Variants in MAPK8 observed in about 807,000 individuals in gnomAD.
MAPK8 encodes the protein JUN N-terminal kinase.
A neutral mutation model predicts 52.9 loss-of-function variants in MAPK8; 13 were observed. That is an observed-to-expected ratio of 0.25 (90% CI 0.16 to 0.39). The LOEUF is 0.39. Ranked by LOEUF, MAPK8 falls within the 10% of genes least tolerant of loss-of-function variation. The pLI is 1.00. For missense variants in MAPK8, 300 were observed against 519.2 expected, an observed-to-expected ratio of 0.58 and a Z score of 4.10; for synonymous variants, 191 against 169.8, an observed-to-expected ratio of 1.12 and a Z score of -0.97.
rs112052018 is a variant in MAPK8, at chr10:48,384,151, G to C, written c.-49-17461G>C. 4.1e-3 allele frequency among the ~76,000 whole-genome samples: 627 copies of C among 152,252 alleles called. 5 individuals carry two copies. Among genetic ancestry groups the C allele is most frequent in the East Asian group, 0.017 (89 of 5,178 alleles). ...CCTGTAATCCCAGCTGCGTGGGAGG[G>C]TGAGGCAGAAGAATCGCTTGAGCCG... On this transcript the variant is annotated intron_variant, in intron 1 of 11. Coordinates refer to ENST00000374189, the MANE Select transcript of MAPK8 (RefSeq NM_001323329.2).
intron 1 of MAPK8, among the ~76,000 whole-genome samples, chr10:48,380,156 C>G (rs1801911764): frequency 6.6e-6 from 1 of 151,960 alleles, no homozygotes; most frequent in Non-Finnish European, 1.5e-5. Context: ...GCAGGAGAAT[C>G]ACTTGAACCT....
intron 1 of MAPK8, among the ~76,000 whole-genome samples, chr10:48,324,131 G>A (rs1564480850): frequency 6.6e-6 from 1 of 152,014 alleles, no homozygotes; most frequent in Non-Finnish European, 1.5e-5. Context: ...TGTCATATTC[G>A]TTTATGTCTC....
chr10:48,333,805 C>T (rs983473165), intron 1 of MAPK8, among the ~76,000 whole-genome samples: 14 of 152,390 alleles, frequency 9.2e-5, no homozygotes, highest in Admixed American at 4.6e-4. Flanking sequence ...GGGTCAGCAA[C>T]GGCCAGAGGA....
intron 1 of MAPK8, among the ~76,000 whole-genome samples, chr10:48,340,257 G>T (rs1845120308): frequency 6.6e-6 from 1 of 152,176 alleles, no homozygotes. Context: ...CAGCAACGTG[G>T]ATGCAGCTGG....
intron 1 of MAPK8, among the ~76,000 whole-genome samples, chr10:48,357,335 C>T (rs1228536538): frequency 4.6e-5 from 7 of 152,076 alleles, no homozygotes; most frequent in Non-Finnish European, 7.4e-5. Flanking sequence ...TAGTAAATGC[C>T]GCTATCTTTA....
chr10:48,413,413 G>A (rs1480549088), intron 5 of MAPK8, among the ~76,000 whole-genome samples: 2 of 152,148 alleles, frequency 1.3e-5, no homozygotes, highest in Admixed American at 6.5e-5. Context: ...CAGTAGTGCA[G>A]AAGGGTTTCA....
intron 1 of MAPK8, among the ~76,000 whole-genome samples, chr10:48,364,511 A>G (rs1017990371): frequency 1.3e-5 from 2 of 152,136 alleles, no homozygotes; most frequent in African/African-American, 4.8e-5. Context: ...TAAAAAGGAA[A>G]AGGAATTAAG....
intron 11 of MAPK8, among the ~76,000 whole-genome samples, chr10:48,432,817 G>GAA (rs2044440492): frequency 6.6e-6 from 1 of 152,170 alleles, no homozygotes; most frequent in Admixed American, 6.5e-5. Flanking sequence ...GAAAAAGATA[G>GAA]AAATTGAGGT....
intron 1 of MAPK8, among the ~76,000 whole-genome samples, chr10:48,382,793 TTATA>T (rs1355611029): frequency 6.8e-6 from 1 of 147,200 alleles, no homozygotes; most frequent in African/African-American, 2.5e-5. Context: ...TTATATATAC[TTATA>T]TATAATATAT....
intron 1 of MAPK8, among the ~76,000 whole-genome samples, chr10:48,358,899 G>A (rs1847255829): frequency 6.6e-6 from 1 of 152,156 alleles, no homozygotes; most frequent in Admixed American, 6.6e-5. Flanking sequence ...ACCCTTGTCA[G>A]AAATCGATGA....
At chr10:48,370,481 A>G (rs1848442410) in intron 1 of MAPK8, among the ~76,000 whole-genome samples, 1 of 152,154 alleles carries the variant, frequency 6.6e-6, no homozygotes, top group Admixed American at 6.6e-5. Context: ...TGGTCTGACT[A>G]ATGGAACATG....
chr10:48,311,487 C>T (rs79857193), intron 1 of MAPK8, among the ~76,000 whole-genome samples: 16,356 of 152,210 alleles, frequency 0.11, 1,156 homozygotes, highest in Admixed American at 0.25. Flanking sequence ...TGCCTTTTCC[C>T]ACAGGAGAAA....
At chr10:48,354,386 C>T (rs553316668) in intron 1 of MAPK8, among the ~76,000 whole-genome samples, 1 of 152,306 alleles carries the variant, frequency 6.6e-6, no homozygotes, top group East Asian at 1.9e-4. Context: ...GATGATGAAT[C>T]TGATACGTTC....
intron 5 of MAPK8, among the ~76,000 whole-genome samples, chr10:48,413,045 T>C (rs2042847687): frequency 6.6e-6 from 1 of 152,222 alleles, no homozygotes; most frequent in Admixed American, 6.5e-5. Context: ...TCATGCAGTA[T>C]TTGCCTCCTT....
rs565566450 is a variant in MAPK8, at chr10:48,338,155, A to T, written c.-50+31334A>T. Among the ~76,000 whole-genome samples, 8 of 149,206 alleles carry T rather than the reference A, an allele frequency of 5.4e-5. No individual in the cohort carries two copies. The South Asian group carries it at 8.8e-4, about 16-fold the overall frequency. ...GCAAGGACACAACAACAAAAAGAAA[A>T]ACAGAAATGCAGGCCAGCATCCCTG... is the stretch of plus-strand genomic sequence containing the variant. On this transcript the variant is annotated intron_variant, in intron 1 of 11. Transcript: ENST00000374189.
intron 1 of MAPK8, among the ~76,000 whole-genome samples, chr10:48,379,634 A>G (rs1431031724): frequency 6.6e-6 from 1 of 152,196 alleles, no homozygotes; most frequent in Non-Finnish European, 1.5e-5. Context: ...GGCAAAACAA[A>G]TATGAGAAGA....
intron 7 of MAPK8, chr10:48,425,611 C>T (rs1252574769): frequency 1.2e-5 from 4 of 337,380 alleles, no homozygotes; most frequent in Non-Finnish European, 2.1e-5. Flanking sequence ...TTCTTAGTTG[C>T]TTATCATTTT....
chr10:48,425,833 G>T, intron 7 of MAPK8, 55 bp from the exon 8 acceptor site: 1 of 815,202 alleles, frequency 1.2e-6, no homozygotes, highest in South Asian at 2.2e-5. Flanking sequence ...ATATGAATAT[G>T]ACTAATGTAT....
intron 1 of MAPK8, among the ~76,000 whole-genome samples, chr10:48,342,620 G>A (rs115029325): frequency 1.3e-5 from 2 of 152,304 alleles, no homozygotes; most frequent in Admixed American, 6.5e-5. Context: ...AAATGTAGTC[G>A]TGTGAATGGA....
Sources: allele counts gnomAD v4.1 joint callset (sites outside exome capture counted in the v4.1 genomes callset), GRCh38; gene constraint gnomAD v4.1.1; transcripts MANE v1.5; gene names NCBI Gene and HGNC (gene_info 2026-07-23, HGNC 2026-07-21).